EPHX1: variants seen among roughly 807,000 people sequenced by gnomAD.
The protein encoded by EPHX1 is epoxide hydratase.
A neutral mutation model predicts 43.2 loss-of-function variants in EPHX1; 40 were observed. The observed-to-expected ratio is 0.93, with a 90% CI of 0.72 to 1.21. EPHX1 has a LOEUF of 1.21. EPHX1 is among the 50% of genes most tolerant of loss of function. The pLI is 0.00. For synonymous variants in EPHX1, 221 were observed against 226.7 expected, an observed-to-expected ratio of 0.98 and a Z score of 0.22; for missense variants, 550 against 570.4, an observed-to-expected ratio of 0.96 and a Z score of 0.36.
chr1:225,820,796 C>T (rs1489644508), intron 1 of EPHX1, among the ~76,000 whole-genome samples: 6 of 152,034 alleles, frequency 3.9e-5, no homozygotes, highest in Non-Finnish European at 7.3e-5. Context: ...CTTGTGCACA[C>T]TTCTCTTCCA....
chr1:225,828,426 T>C (rs1667377689), intron 1 of EPHX1, among the ~76,000 whole-genome samples: 1 of 151,800 alleles, frequency 6.6e-6, no homozygotes, highest in Non-Finnish European at 1.5e-5. Flanking sequence ...ACCAGGTTCC[T>C]ATTTTCCCAG....
At chr1:225,831,748 T>C (rs1667613586) in intron 2 of EPHX1, 31 bp from the exon 3 acceptor site, 1 of 1,611,548 alleles carries the variant, frequency 6.2e-7, no homozygotes, top group African/African-American at 1.3e-5. Context: ...TTCCCATCCC[T>C]CTCAACTTGG....
At chr1:225,844,364 C>T (rs1367270778) in intron 7 of EPHX1, 134 bp from the exon 8 acceptor site, 1 of 1,381,960 alleles carries the variant, frequency 7.2e-7, no homozygotes, top group East Asian at 2.3e-5. Flanking sequence ...CACGAGGATA[C>T]CACACACGTT....
intron 6 of EPHX1, among the ~76,000 whole-genome samples, chr1:225,841,740 T>G (rs1179050466): frequency 6.6e-6 from 1 of 152,026 alleles, no homozygotes; most frequent in Non-Finnish European, 1.5e-5. Flanking sequence ...TAGCTGGGAT[T>G]ACAGGCATGC....
At chr1:225,819,143 C>A (rs1666863854) in intron 1 of EPHX1, among the ~76,000 whole-genome samples, 1 of 39,378 alleles carries the variant, frequency 2.5e-5, no homozygotes, top group African/African-American at 8.1e-5. Context: ...AGGAGAATGG[C>A]GTGAACCCGG....
At position 225,838,683 on chromosome 1, in the gene EPHX1, C is replaced by A. The variant is rs775238551; in HGVS notation, c.394C>A (p.Pro132Thr). 1 of 1,613,582 alleles carries A rather than the reference C, an allele frequency of 6.2e-7. No individual in the cohort carries two copies. The highest frequency in any genetic ancestry group is 8.5e-7 in the Non-Finnish European group (1 of 1,179,664). The change falls in exon 4 of 9, where the codon CCC becomes ACC. Residue 132 changes from proline to threonine, a missense_variant. By Grantham distance (38) the Pro-to-Thr change is conservative (BLOSUM62 -1). Coordinates refer to ENST00000272167, the MANE Select transcript of EPHX1 (RefSeq NM_001136018.4). ...GGACATCCACTTCATCCACGTGAAG[C>A]CCCCCCAGCTGCCCGCAGGCCATAC... ...GLDIHFIHVK[P>T]PQLPAGHTPK... is the part of the protein sequence containing the mutation.
chr1:225,828,914 T>C lies in EPHX1; in HGVS notation c.183+2T>C. The C allele has an allele frequency of 6.4e-7, 1 of 1,565,704 alleles. No individual in the cohort carries two copies. Among genetic ancestry groups the C allele is most frequent in the Non-Finnish European group, 8.7e-7 (1 of 1,153,424 alleles). On this transcript the variant is annotated splice_donor_variant, in intron 2 of 8. Transcript: ENST00000272167. LOFTEE classifies it high-confidence loss of function. ...GAAACGTCAGATGAGGAGATCCACG[T>C]AAGGCACCTTGGGCCGGGCCGGGCT...
At chr1:225,837,877 TG>T (rs1668054049) in intron 3 of EPHX1, among the ~76,000 whole-genome samples, 2 of 152,208 alleles carry the variant, frequency 1.3e-5, no homozygotes, top group Admixed American at 1.3e-4. Flanking sequence ...GGTGACATTT[TG>T]TCAATGTGTA....
At chr1:225,812,384 A>T (rs923060117) in intron 1 of EPHX1, among the ~76,000 whole-genome samples, 2 of 152,216 alleles carry the variant, frequency 1.3e-5, no homozygotes, top group Non-Finnish European at 2.9e-5. Flanking sequence ...ACTAGCTGGC[A>T]TGGACTTACG....
chr1:225,830,938 A>G (rs1407872180), intron 2 of EPHX1, among the ~76,000 whole-genome samples: 2 of 152,222 alleles, frequency 1.3e-5, no homozygotes, highest in African/African-American at 2.4e-5. Flanking sequence ...AAATCAAAAG[A>G]AGAATAATAG....
chr1:225,834,022 C>T (rs1397281970), intron 3 of EPHX1, among the ~76,000 whole-genome samples: 2 of 139,000 alleles, frequency 1.4e-5, no homozygotes, highest in Non-Finnish European at 3.1e-5. Flanking sequence ...AGCGTGAACC[C>T]GGAAGGCGGA....
In EPHX1 at chr1:225,834,115, A is replaced by AAG. The variant is rs1263608319; in HGVS notation, c.364+2157_364+2158insGA. 1.4e-5 allele frequency among the ~76,000 whole-genome samples: 2 copies of AAG among 144,084 alleles called. 1 individual carries two copies. Among genetic ancestry groups the AAG allele is most frequent in the East Asian group, 4.1e-4 (2 of 4,834 alleles). The allele number at this position is 144,084 out of a possible 152,430, so 94.5% of individuals were successfully genotyped here. ...TCTGTCTCAAAAAAAAAAAAAAGAA[A>AAG]AAAAAAAAAAGCCGGGTGCGGTGGC... On this transcript the variant is annotated intron_variant, in intron 3 of 8. Transcript: ENST00000272167.
chr1:225,822,628 A>G (rs1667025879), intron 1 of EPHX1, among the ~76,000 whole-genome samples: 1 of 152,236 alleles, frequency 6.6e-6, no homozygotes, highest in South Asian at 2.1e-4. Context: ...GACCACAGGG[A>G]AGAGATAAAT....
rs202092431 is a variant in EPHX1 at position 225,839,364 on chromosome 1, G to A, written c.722+18G>A. On this transcript the variant is annotated intron_variant, in intron 5 of 8. Coordinates refer to ENST00000272167, the MANE Select transcript of EPHX1 (RefSeq NM_001136018.4). ...GTGCCCAGGTGAGGTCACTGTTGGG[G>A]TGGTGTGTGTGTGTGTGTGTGTGTG... 6.4e-6 allele frequency: 10 copies of A among 1,563,728 alleles called. No individual in the cohort carries two copies. In the African/African-American group the frequency reaches 1.5e-4, roughly 24 times the overall value.
chr1:225,823,967 G>A (rs1435618604), intron 1 of EPHX1, among the ~76,000 whole-genome samples: 1 of 152,182 alleles, frequency 6.6e-6, no homozygotes, highest in Non-Finnish European at 1.5e-5. Context: ...CCTGGCGAGG[G>A]AGCCCAGAGG....
intron 1 of EPHX1, among the ~76,000 whole-genome samples, chr1:225,815,887 A>AT (rs1328720052): frequency 6.6e-6 from 1 of 152,056 alleles, no homozygotes; most frequent in Non-Finnish European, 1.5e-5. Context: ...CCTTGGGGAG[A>AT]AGGGGGAGGT....
chr1:225,820,916 C>T (rs1375143071), intron 1 of EPHX1, among the ~76,000 whole-genome samples: 1 of 152,062 alleles, frequency 6.6e-6, no homozygotes, highest in Non-Finnish European at 1.5e-5. Context: ...TGTGTTAGTC[C>T]TGGTGCCTGC....
chr1:225,833,757 T>A (rs1458185035), intron 3 of EPHX1, among the ~76,000 whole-genome samples: 1 of 140,360 alleles, frequency 7.1e-6, no homozygotes, highest in African/African-American at 2.7e-5. Context: ...ATCACACCAC[T>A]GCACTCCAGC....
At chr1:225,825,743 C>T (rs909125748) in intron 1 of EPHX1, among the ~76,000 whole-genome samples, 7 of 152,212 alleles carry the variant, frequency 4.6e-5, no homozygotes, top group South Asian at 4.1e-4. Flanking sequence ...GTGCCCAGGA[C>T]GGGCACAGCC....
Sources: gnomAD v4.1 joint callset for allele counts (sites outside exome capture counted in the v4.1 genomes callset) on GRCh38, gnomAD v4.1.1 for gene constraint, MANE v1.5 for transcripts, NCBI Gene and HGNC (gene_info 2026-07-23, HGNC 2026-07-21) for gene names.